The following ASCC3 variants were observed in gnomAD, a reference collection of about 807,000 sequenced individuals.
ASCC3 encodes the protein activating signal cointegrator 1 complex subunit 3, also known as ASC-1 complex subunit P200.
In ASCC3, 158 loss-of-function variants were observed where a neutral mutation model predicts 256.3. That is an observed-to-expected ratio of 0.62 (90% CI 0.54 to 0.70). The LOEUF (loss-of-function observed/expected upper bound fraction) is 0.70. Among genes scored for constraint, ASCC3 ranks in the 30% least tolerant of loss-of-function variants. The pLI is 0.00. For missense variants in ASCC3, 2,259 were observed against 2,626.0 expected, an observed-to-expected ratio of 0.86 and a Z score of 3.05; for synonymous variants, 948 against 883.4, an observed-to-expected ratio of 1.07 and a Z score of -1.30.
intron 10 of ASCC3, among the ~76,000 whole-genome samples, chr6:100,745,299 C>T (rs536179406): frequency 1.4e-3 from 218 of 152,036 alleles, no homozygotes; most frequent in African/African-American, 5.2e-3. Context: ...TGCACTCCAG[C>T]CTGGGTGACA....
chr6:100,828,793 G>T (rs534656135), intron 4 of ASCC3, among the ~76,000 whole-genome samples: 2 of 152,204 alleles, frequency 1.3e-5, no homozygotes, highest in African/African-American at 2.4e-5. Flanking sequence ...GCAGCAGCAG[G>T]ATTTATTGCA....
At chr6:100,631,350 T>G (rs915733583) in intron 25 of ASCC3, 137 bp from the exon 26 acceptor site, 4 of 662,050 alleles carry the variant, frequency 6.0e-6, no homozygotes, top group Non-Finnish European at 1.1e-5. Flanking sequence ...AATACTCAAA[T>G]TTTTAAATCA....
intron 36 of ASCC3, among the ~76,000 whole-genome samples, chr6:100,581,921 C>G (rs1771299763): frequency 6.6e-6 from 1 of 151,794 alleles, no homozygotes; most frequent in Non-Finnish European, 1.5e-5. Flanking sequence ...TCTGAGGGCT[C>G]TGTTCTGTTC....
intron 8 of ASCC3, among the ~76,000 whole-genome samples, chr6:100,791,390 A>T (rs1769344565): frequency 6.6e-6 from 1 of 152,014 alleles, no homozygotes; most frequent in Non-Finnish European, 1.5e-5. Flanking sequence ...TCTGTATAAA[A>T]GATGTCACAG....
chr6:100,658,981 A>G (rs950204003), intron 16 of ASCC3, among the ~76,000 whole-genome samples: 1 of 151,546 alleles, frequency 6.6e-6, no homozygotes, highest in African/African-American at 2.4e-5. Context: ...GTGACTTTAT[A>G]TATGGATGGG....
At chr6:100,730,617 A>T (rs576857215) in intron 10 of ASCC3, among the ~76,000 whole-genome samples, 6 of 152,334 alleles carry the variant, frequency 3.9e-5, no homozygotes, top group African/African-American at 1.4e-4. Flanking sequence ...AATTATACGG[A>T]TGTTTTAATT....
intron 13 of ASCC3, among the ~76,000 whole-genome samples, chr6:100,709,084 T>C (rs2115011121): frequency 6.6e-6 from 1 of 152,118 alleles, no homozygotes; most frequent in South Asian, 2.1e-4. Flanking sequence ...GATAACAGTA[T>C]TCAGAAGAAA....
At chr6:100,646,558 G>A in intron 22 of ASCC3, 57 bp downstream of exon 22, 1 of 1,524,986 alleles carries the variant, frequency 6.6e-7, no homozygotes, top group Non-Finnish European at 9.0e-7. Context: ...AGATGTAGTT[G>A]AGTCTGTAGT....
At chr6:100,631,064 C>T (rs1774516886) in intron 26 of ASCC3, 64 bp downstream of exon 26, 1 of 1,188,204 alleles carries the variant, frequency 8.4e-7, no homozygotes, top group Non-Finnish European at 1.2e-6. Flanking sequence ...TTTTATTCAA[C>T]TCTTATTTCC....
chr6:100,638,471 G>T, intron 25 of ASCC3, 130 bp downstream of exon 25: 1 of 726,224 alleles, frequency 1.4e-6, no homozygotes, highest in Non-Finnish European at 2.3e-6. Context: ...TACTGATCTG[G>T]TCCCCTGGGA....
At chr6:100,824,444 C>G (rs1257397504) in intron 4 of ASCC3, among the ~76,000 whole-genome samples, 1 of 152,108 alleles carries the variant, frequency 6.6e-6, no homozygotes, top group African/African-American at 2.4e-5. Flanking sequence ...AGTCAACATT[C>G]TGAAAAATAG....
At chr6:100,655,310 G>C (rs2114919354) in intron 17 of ASCC3, among the ~76,000 whole-genome samples, 1 of 151,910 alleles carries the variant, frequency 6.6e-6, no homozygotes, top group Non-Finnish European at 1.5e-5. Context: ...GATTAGAAGA[G>C]ACTTGATAAG....
At chr6:100,871,630 G>A (rs1773747051) in intron 1 of ASCC3, among the ~76,000 whole-genome samples, 1 of 152,130 alleles carries the variant, frequency 6.6e-6, no homozygotes, top group South Asian at 2.1e-4. Flanking sequence ...AGCCAGGCAA[G>A]TGGCATGCAC....
chr6:100,816,964 G>A (rs1326311631), intron 4 of ASCC3, among the ~76,000 whole-genome samples: 1 of 151,586 alleles, frequency 6.6e-6, no homozygotes, highest in Admixed American at 6.6e-5. Flanking sequence ...ATATAGGATT[G>A]AGCAACGCTA....
At chr6:100,801,335 C>G (rs1237111512) in intron 5 of ASCC3, among the ~76,000 whole-genome samples, 1 of 152,118 alleles carries the variant, frequency 6.6e-6, no homozygotes. Context: ...GTTCTAGCCA[C>G]TGCAGCTAGG....
intron 24 of ASCC3, among the ~76,000 whole-genome samples, chr6:100,641,863 G>A (rs1775134714): frequency 6.6e-6 from 1 of 152,072 alleles, no homozygotes; most frequent in South Asian, 2.1e-4. Flanking sequence ...GTCCTTTGTA[G>A]GAACATGGAT....
At chr6:100,834,487 A>T (rs1389283222) in intron 4 of ASCC3, among the ~76,000 whole-genome samples, 1 of 152,198 alleles carries the variant, frequency 6.6e-6, no homozygotes, top group African/African-American at 2.4e-5. Context: ...TATAAGGAAC[A>T]CATGCTGTAT....
At chr6:100,628,860 C>T (rs986949901) in intron 27 of ASCC3, among the ~76,000 whole-genome samples, 155 bp downstream of exon 27, 39 of 152,004 alleles carry the variant, frequency 2.6e-4, no homozygotes, top group Non-Finnish European at 4.9e-4. Context: ...TGTTAATTAG[C>T]TTGATTTAAT....
At chr6:100,569,172 G>A (rs1025419546) in intron 36 of ASCC3, among the ~76,000 whole-genome samples, 2 of 152,108 alleles carry the variant, frequency 1.3e-5, no homozygotes, top group African/African-American at 2.4e-5. Flanking sequence ...TGAAAGGTAG[G>A]AGTCCAGTGT....
Sources: allele counts gnomAD v4.1 joint callset (sites outside exome capture counted in the v4.1 genomes callset), GRCh38; gene constraint gnomAD v4.1.1; transcripts MANE v1.5; gene names NCBI Gene and HGNC (gene_info 2026-07-23, HGNC 2026-07-21).